AK7: variants seen among roughly 807,000 people sequenced by gnomAD.
AK7 encodes ATP-AMP transphosphorylase 7.
AK7 carries 78 observed loss-of-function variants against 96.6 expected under a neutral mutation model. The observed-to-expected ratio is 0.81, with a 90% CI of 0.67 to 0.97. The LOEUF (loss-of-function observed/expected upper bound fraction) is 0.97, where lower values mean the gene tolerates loss of function less well. AK7 is among the 50% of genes least tolerant of loss of function. The pLI is 0.00. For missense variants in AK7, 855 were observed against 887.9 expected, an observed-to-expected ratio of 0.96 and a Z score of 0.47; for synonymous variants, 302 against 317.2, an observed-to-expected ratio of 0.95 and a Z score of 0.51.
At chr14:96,418,303 A>T (rs978855229) in intron 4 of AK7, among the ~76,000 whole-genome samples, 11 of 128,466 alleles carry the variant, frequency 8.6e-5, no homozygotes, top group African/African-American at 3.2e-4. Context: ...CACCCTGGGC[A>T]ACAGAGTGAG....
At chr14:96,411,464 T>A (rs2140012171) in intron 4 of AK7, among the ~76,000 whole-genome samples, 1 of 151,726 alleles carries the variant, frequency 6.6e-6, no homozygotes, top group Admixed American at 6.6e-5. Flanking sequence ...TGAGCAGAGA[T>A]CGCACCACTG....
intron 13 of AK7, among the ~76,000 whole-genome samples, chr14:96,472,207 G>C (rs1014705252): frequency 3.9e-5 from 6 of 152,142 alleles, no homozygotes; most frequent in African/African-American, 1.4e-4. Flanking sequence ...ACCCAGGCTG[G>C]AGCACAGTGA....
At chr14:96,433,079 C>G (rs1268477001) in intron 5 of AK7, among the ~76,000 whole-genome samples, 1 of 152,160 alleles carries the variant, frequency 6.6e-6, no homozygotes, top group Non-Finnish European at 1.5e-5. Context: ...GTAACTCGAC[C>G]TTTCTCTCTG....
intron 11 of AK7, 145 bp downstream of exon 11, chr14:96,456,620 C>T (rs1893927762): frequency 3.3e-6 from 3 of 896,418 alleles, no homozygotes; most frequent in Non-Finnish European, 5.0e-6. Context: ...GTGTCCTAAT[C>T]AGTAGCCAGG....
chr14:96,485,897 G>A (rs368403920), intron 16 of AK7, among the ~76,000 whole-genome samples: 2 of 150,096 alleles, frequency 1.3e-5, no homozygotes, highest in African/African-American at 2.5e-5. Flanking sequence ...CCCGGTTCAC[G>A]CCATTCTCCT....
chr14:96,420,494 A>G (rs1891615884), intron 4 of AK7, among the ~76,000 whole-genome samples: 1 of 151,832 alleles, frequency 6.6e-6, no homozygotes, highest in African/African-American at 2.4e-5. Context: ...TACTATCATC[A>G]TCGACAGAGA....
chr14:96,436,463 G>C (rs890896059), intron 5 of AK7, among the ~76,000 whole-genome samples: 1 of 152,038 alleles, frequency 6.6e-6, no homozygotes, highest in Non-Finnish European at 1.5e-5. Flanking sequence ...TGGCCAACAT[G>C]GGGAAACCCT....
At chr14:96,467,096 G>C (rs1000699079) in intron 12 of AK7, among the ~76,000 whole-genome samples, 2 of 148,826 alleles carry the variant, frequency 1.3e-5, no homozygotes, top group African/African-American at 4.9e-5. Context: ...ACTTTGACCA[G>C]TTAAAAGTCC....
chr14:96,457,219 C>A (rs1175358322), intron 11 of AK7, among the ~76,000 whole-genome samples: 1 of 151,748 alleles, frequency 6.6e-6, no homozygotes, highest in Admixed American at 6.6e-5. Context: ...TGCCACTATG[C>A]CCGGCTAATT....
rs372372979 is a variant in AK7 at position 96,444,881 on chromosome 14, C to A, written c.780-1636C>A. On this transcript the variant is annotated intron_variant, in intron 7 of 17. Transcript: ENST00000267584. ...TACAGGCGCCGGCCACCACGCCTGG[C>A]TATTTTTTGTATTTTTAGTAGAGAC... is the stretch of plus-strand genomic sequence containing the variant. Among the ~76,000 whole-genome samples, 25 of 152,264 alleles carry A rather than the reference C, an allele frequency of 1.6e-4. No individual in the cohort carries two copies. In the East Asian group the frequency reaches 2.3e-3, roughly 14 times the overall value.
intron 4 of AK7, among the ~76,000 whole-genome samples, chr14:96,419,875 G>T (rs1326459169): frequency 7.3e-6 from 1 of 136,460 alleles, no homozygotes; most frequent in African/African-American, 2.8e-5. Context: ...TGCAACATCC[G>T]CCTCCTGGGT....
chr14:96,396,586 A>G (rs1890096181), intron 1 of AK7, among the ~76,000 whole-genome samples: 1 of 152,264 alleles, frequency 6.6e-6, no homozygotes. Context: ...TTCTATCAAA[A>G]TAAATGAGGT....
intron 17 of AK7, 193 bp from the exon 18 acceptor site, chr14:96,488,112 C>T (rs959795030): frequency 2.2e-6 from 1 of 451,824 alleles, no homozygotes; most frequent in African/African-American, 2.0e-5. Flanking sequence ...GAAGTTTCAC[C>T]ATGTTGACCA....
intron 7 of AK7, among the ~76,000 whole-genome samples, chr14:96,445,219 A>C (rs981270457): frequency 2.0e-5 from 3 of 152,236 alleles, no homozygotes; most frequent in Non-Finnish European, 2.9e-5. Flanking sequence ...ATCACAAATA[A>C]AGTCCATTGA....
Position 96,486,934 on chromosome 14 carries a change from G to A in AK7, c.2011G>A (p.Glu671Lys). ...RLEEVKREER[E>K]LLEAQSIPLR... ...GGAGGAAGTGAAAAGAGAAGAAAGA[G>A]AATTACTGGAGGCTCAGTCAATTCC... The change falls in exon 17 of 18, where the codon GAA becomes AAA. Residue 671 changes from glutamate (E) to lysine (K), a missense_variant. Transcript: ENST00000267584. 1.2e-6 allele frequency: 2 copies of A among 1,613,980 alleles called. No individual in the cohort carries two copies. The highest frequency in any genetic ancestry group is 1.3e-5 in the African/African-American group (1 of 75,024).
intron 15 of AK7, among the ~76,000 whole-genome samples, chr14:96,480,036 A>G (rs372019010): frequency 1.2e-4 from 19 of 152,328 alleles, no homozygotes; most frequent in African/African-American, 4.6e-4. Flanking sequence ...TACAAACGGT[A>G]GAGATGAGAG....
intron 15 of AK7, among the ~76,000 whole-genome samples, chr14:96,479,747 G>A (rs1334754581): frequency 6.6e-6 from 1 of 152,098 alleles, no homozygotes; most frequent in Non-Finnish European, 1.5e-5. Flanking sequence ...CTACCTTTCT[G>A]GTTTTCTGGA....
At chr14:96,475,211 A>G (rs1362799455) in intron 14 of AK7, among the ~76,000 whole-genome samples, 6 of 152,228 alleles carry the variant, frequency 3.9e-5, no homozygotes, top group Non-Finnish European at 7.3e-5. Flanking sequence ...TTTCTCTGAA[A>G]GAAAGTAGGG....
chr14:96,450,735 G>A (rs1893548792), intron 9 of AK7, among the ~76,000 whole-genome samples: 1 of 150,896 alleles, frequency 6.6e-6, no homozygotes, highest in Admixed American at 6.6e-5. Context: ...AACTGGGTGG[G>A]TGATGGTCAA....
Sources: gnomAD v4.1 joint callset for allele counts (sites outside exome capture counted in the v4.1 genomes callset) on GRCh38, gnomAD v4.1.1 for gene constraint, MANE v1.5 for transcripts, NCBI Gene and HGNC (gene_info 2026-07-23, HGNC 2026-07-21) for gene names.